The following SNX24 variants were observed in gnomAD, a reference collection of about 807,000 sequenced individuals.
SNX24 encodes sorting nexin 24, also known as sorting nexin-24.
Under a neutral mutation model 28.7 loss-of-function variants are expected in SNX24, and 22 were observed. The observed-to-expected ratio is 0.77, with a 90% CI of 0.55 to 1.10. The LOEUF (loss-of-function observed/expected upper bound fraction) is 1.10, where lower values mean the gene tolerates loss of function less well. Among genes scored for constraint, SNX24 ranks in the 50% least tolerant of loss-of-function variants. The probability of loss-of-function intolerance (pLI) is 0.00; values close to 1 mark genes in which losing one functional copy is unlikely to be tolerated. For synonymous variants in SNX24, 69 were observed against 71.5 expected (o/e 0.96, Z 0.18); for missense variants, 221 against 201.1 (o/e 1.10, Z -0.60).
At chr5:122,955,922 A>G (rs1760189018) in intron 3 of SNX24, among the ~76,000 whole-genome samples, 1 of 152,290 alleles carries the variant, frequency 6.6e-6, no homozygotes, top group Non-Finnish European at 1.5e-5. Context: ...CTCTGCTGCC[A>G]TGAGTAGAGG....
chr5:122,920,764 C>A (rs1257560913), intron 1 of SNX24, among the ~76,000 whole-genome samples: 4 of 152,222 alleles, frequency 2.6e-5, no homozygotes, highest in Non-Finnish European at 4.4e-5. Context: ...GATATTTTTT[C>A]TCATTATAGA....
chr5:122,871,552 G>A (rs1442445157), intron 1 of SNX24, among the ~76,000 whole-genome samples: 4 of 152,156 alleles, frequency 2.6e-5, no homozygotes, highest in Non-Finnish European at 5.9e-5. Context: ...TGGATCACTT[G>A]AGGTCAGGAG....
intron 1 of SNX24, among the ~76,000 whole-genome samples, chr5:122,858,234 A>T (rs1409928265): frequency 1.3e-5 from 2 of 152,198 alleles, no homozygotes. Flanking sequence ...AGATCACCAT[A>T]ACAGATAAAA....
intron 3 of SNX24, among the ~76,000 whole-genome samples, chr5:122,947,261 G>A (rs1370162338): frequency 6.6e-6 from 1 of 151,998 alleles, no homozygotes; most frequent in African/African-American, 2.4e-5. Context: ...GGACTGTGGA[G>A]CTAGTATGCC....
intron 1 of SNX24, among the ~76,000 whole-genome samples, chr5:122,890,693 A>G (rs377369915): frequency 6.6e-6 from 1 of 152,048 alleles, no homozygotes; most frequent in Non-Finnish European, 1.5e-5. Flanking sequence ...CTGGTCTCGA[A>G]CTTCTGACCT....
At chr5:122,964,714 T>G (rs1760644257) in intron 3 of SNX24, among the ~76,000 whole-genome samples, 1 of 152,158 alleles carries the variant, frequency 6.6e-6, no homozygotes, top group African/African-American at 2.4e-5. Context: ...GCTTCAACAA[T>G]GATCAACTCA....
chr5:122,913,148 A>C (rs1288666390), intron 1 of SNX24, among the ~76,000 whole-genome samples: 1 of 152,224 alleles, frequency 6.6e-6, no homozygotes, highest in Non-Finnish European at 1.5e-5. Flanking sequence ...CCGATTTCTC[A>C]ATCTTTTCCC....
At chr5:123,009,714 T>C (rs1019569728), downstream of SNX24, among the ~76,000 whole-genome samples, 1 of 151,576 alleles carries the variant, frequency 6.6e-6, no homozygotes, top group Non-Finnish European at 1.5e-5. Flanking sequence ...GTAGGTCTTT[T>C]ACGCAGAAAA....
intron 1 of SNX24, among the ~76,000 whole-genome samples, chr5:122,852,071 T>C (rs1469572191): frequency 1.3e-5 from 2 of 151,304 alleles, no homozygotes; most frequent in Non-Finnish European, 2.9e-5. Context: ...TGCTATTTTA[T>C]ATATGTGTGT....
At chr5:123,025,940 T>G in intron 5 of SNX24, 5 of 1,607,608 alleles carry the variant, frequency 3.1e-6, no homozygotes, top group Non-Finnish European at 4.2e-6. Context: ...AGTTCTCATC[T>G]GGAAATGTCT....
At chr5:122,978,965 G>A (rs569278907) in intron 3 of SNX24, among the ~76,000 whole-genome samples, 4 of 152,274 alleles carry the variant, frequency 2.6e-5, no homozygotes, top group African/African-American at 9.6e-5. Flanking sequence ...TAACATTCAA[G>A]CCTGTTGATG....
At chr5:122,876,002 G>A (rs944361753) in intron 1 of SNX24, among the ~76,000 whole-genome samples, 5 of 152,186 alleles carry the variant, frequency 3.3e-5, no homozygotes, top group African/African-American at 7.2e-5. Context: ...CCGCCACCAC[G>A]TCTGGCTAAT....
At chr5:122,965,588 G>C (rs1760684493) in intron 3 of SNX24, 2 of 356,706 alleles carry the variant, frequency 5.6e-6, no homozygotes, top group Admixed American at 6.3e-5. Flanking sequence ...CAAGCATATG[G>C]GGAAATAAAT....
intron 1 of SNX24, among the ~76,000 whole-genome samples, chr5:122,904,251 C>T (rs1181273845): frequency 5.3e-5 from 8 of 151,910 alleles, no homozygotes; most frequent in African/African-American, 1.9e-4. Context: ...GGCACAATCT[C>T]GGCTCGCCAC....
At chr5:122,905,634 G>C (rs966978740) in intron 1 of SNX24, among the ~76,000 whole-genome samples, 1 of 152,150 alleles carries the variant, frequency 6.6e-6, no homozygotes, top group Non-Finnish European at 1.5e-5. Context: ...CAAGCAATTT[G>C]GATAAAGGAT....
chr5:122,946,389 G>T (rs1333676297), intron 3 of SNX24, among the ~76,000 whole-genome samples: 2 of 152,160 alleles, frequency 1.3e-5, no homozygotes, highest in East Asian at 3.8e-4. Flanking sequence ...ATAAAAAGGT[G>T]AAAACTGTTG....
intron 3 of SNX24, among the ~76,000 whole-genome samples, chr5:122,971,260 TCTTCTGCCTG>T (rs1376331714): frequency 3.9e-5 from 6 of 152,278 alleles, no homozygotes; most frequent in African/African-American, 1.4e-4. Flanking sequence ...CAAGTCACCT[TCTTCTGCCTG>T]CTTTATCTTG....
At chr5:122,872,577 A>G (rs1398451821) in intron 1 of SNX24, among the ~76,000 whole-genome samples, 2 of 152,190 alleles carry the variant, frequency 1.3e-5, no homozygotes, top group Non-Finnish European at 2.9e-5. Context: ...GTATTTGCAT[A>G]TAAACTATGC....
intron 1 of SNX24, among the ~76,000 whole-genome samples, chr5:122,872,004 C>T (rs1373447720): frequency 6.6e-6 from 1 of 151,582 alleles, no homozygotes; most frequent in African/African-American, 2.4e-5. Flanking sequence ...ATCATCATAC[C>T]AGGCACAAAG....
Sources: allele counts gnomAD v4.1 joint callset (sites outside exome capture counted in the v4.1 genomes callset), GRCh38; gene constraint gnomAD v4.1.1; transcripts MANE v1.5; gene names NCBI Gene and HGNC (gene_info 2026-07-23, HGNC 2026-07-21).